The following RAD51B variants were observed in gnomAD, a reference collection of about 807,000 sequenced individuals.
The protein encoded by RAD51B is RAD51 paralog B.
RAD51B carries 38 observed loss-of-function variants against 42.2 expected under a neutral mutation model. The observed-to-expected ratio is 0.90, with a 90% CI of 0.70 to 1.18. RAD51B has a LOEUF of 1.18. RAD51B is among the 50% of genes most tolerant of loss of function. The probability of loss-of-function intolerance (pLI) is 0.00; values close to 1 mark genes in which losing one functional copy is unlikely to be tolerated. For missense variants in RAD51B, 373 were observed against 400.7 expected, an observed-to-expected ratio of 0.93 and a Z score of 0.59; for synonymous variants, 154 against 145.2, an observed-to-expected ratio of 1.06 and a Z score of -0.43.
chr14:68,342,346 A>AT (rs1408131402), intron 8 of RAD51B, among the ~76,000 whole-genome samples: 1 of 152,156 alleles, frequency 6.6e-6, no homozygotes, highest in Non-Finnish European at 1.5e-5. Flanking sequence ...AGGAGGAAGG[A>AT]TTTTCCCTAA....
chr14:68,189,224 G>A (rs1404919585), intron 7 of RAD51B, among the ~76,000 whole-genome samples: 1 of 151,976 alleles, frequency 6.6e-6, no homozygotes, highest in Non-Finnish European at 1.5e-5. Flanking sequence ...ATTTGTACCT[G>A]GGCTGTGAGC....
chr14:67,921,717 GA>G (rs1293257536), intron 7 of RAD51B, among the ~76,000 whole-genome samples: 1 of 151,768 alleles, frequency 6.6e-6, no homozygotes, highest in Non-Finnish European at 1.5e-5. Flanking sequence ...ATTGATGACT[GA>G]AAAAACAAAA....
At chr14:68,138,945 TTTA>T (rs1454406395) in intron 7 of RAD51B, among the ~76,000 whole-genome samples, 1 of 152,204 alleles carries the variant, frequency 6.6e-6, no homozygotes, top group Non-Finnish European at 1.5e-5. Flanking sequence ...AGTAGCCATC[TTTA>T]TTAGTGTGTT....
intron 7 of RAD51B, among the ~76,000 whole-genome samples, chr14:68,231,158 C>T (rs1156538546): frequency 6.6e-6 from 1 of 152,192 alleles, no homozygotes; most frequent in Non-Finnish European, 1.5e-5. Context: ...AGGAGGATGA[C>T]ACATTGATTT....
At chr14:68,633,178 C>T (rs1476345019) in intron 10 of RAD51B, among the ~76,000 whole-genome samples, 3 of 151,556 alleles carry the variant, frequency 2.0e-5, no homozygotes, top group East Asian at 2.0e-4. Flanking sequence ...CTAAACTGCT[C>T]TCCACACAAG....
intron 7 of RAD51B, among the ~76,000 whole-genome samples, chr14:68,069,933 A>G (rs978351706): frequency 6.6e-6 from 1 of 152,128 alleles, no homozygotes; most frequent in Non-Finnish European, 1.5e-5. Context: ...TTTCCTCTGT[A>G]ACCTCACCAG....
chr14:68,127,252 A>G (rs929739123), intron 7 of RAD51B, among the ~76,000 whole-genome samples: 1 of 152,156 alleles, frequency 6.6e-6, no homozygotes, highest in East Asian at 1.9e-4. Context: ...AGATCAGGCA[A>G]CAACCCCAAC....
chr14:67,962,710 T>A (rs897423586), intron 7 of RAD51B, among the ~76,000 whole-genome samples: 1 of 152,178 alleles, frequency 6.6e-6, no homozygotes, highest in Admixed American at 6.6e-5. Context: ...TTGTTGAAAT[T>A]TAGCCAACCA....
intron 10 of RAD51B, chr14:68,610,945 C>T: frequency 1.6e-6 from 1 of 632,112 alleles, no homozygotes; most frequent in Admixed American, 2.1e-5. Context: ...ATGTTGTTTC[C>T]TACACATCTT....
chr14:68,224,272 T>C (rs1002692383), intron 7 of RAD51B, among the ~76,000 whole-genome samples: 2 of 152,256 alleles, frequency 1.3e-5, no homozygotes, highest in Non-Finnish European at 2.9e-5. Flanking sequence ...AATTCTTGGA[T>C]AACTTTTCAA....
intron 10 of RAD51B, among the ~76,000 whole-genome samples, chr14:68,569,262 C>A (rs923118871): frequency 2.0e-5 from 3 of 152,194 alleles, no homozygotes; most frequent in Non-Finnish European, 4.4e-5. Context: ...AAGCAGCCCC[C>A]ATAGGGGTTA....
At position 67,964,476 on chromosome 14, in the gene RAD51B, G is replaced by C. The variant is rs2074728865; in HGVS notation, c.756+77272G>C. On this transcript the variant is annotated intron_variant, in intron 7 of 10. Coordinates refer to ENST00000471583, the MANE Select transcript of RAD51B (RefSeq NM_133510.4). Reference sequence around the variant, plus strand: ...AATATTGTTTCTTTGCGTTGCTGGAGCTGATTTATTTAGTTATGATTTCAA... The same window carrying C: ...AATATTGTTTCTTTGCGTTGCTGGACCTGATTTATTTAGTTATGATTTCAA... Among the ~76,000 whole-genome samples, 4 of 152,290 alleles carry C rather than the reference G, an allele frequency of 2.6e-5. No individual in the cohort carries two copies. In the South Asian group the frequency reaches 8.3e-4, roughly 32 times the overall value.
intron 9 of RAD51B, among the ~76,000 whole-genome samples, chr14:68,457,949 T>G (rs1027565496): frequency 2.0e-5 from 3 of 149,662 alleles, no homozygotes; most frequent in Admixed American, 1.3e-4. Flanking sequence ...ACATGTAAAG[T>G]TCACTGAAAA....
intron 7 of RAD51B, among the ~76,000 whole-genome samples, chr14:68,264,980 A>AT (rs1363920621): frequency 6.6e-6 from 1 of 152,214 alleles, no homozygotes; most frequent in East Asian, 1.9e-4. Flanking sequence ...TTAATGTGAA[A>AT]TAAGTGGTAT....
chr14:68,037,689 G>A (rs1276220754), intron 7 of RAD51B, among the ~76,000 whole-genome samples: 6 of 152,152 alleles, frequency 3.9e-5, no homozygotes, highest in Admixed American at 1.3e-4. Flanking sequence ...AAAATCTTCC[G>A]TGTGCCTCCA....
chr14:68,507,837 G>A (rs993659548), intron 10 of RAD51B, among the ~76,000 whole-genome samples: 7 of 152,124 alleles, frequency 4.6e-5, no homozygotes, highest in Non-Finnish European at 8.8e-5. Flanking sequence ...CTGCTCCTCC[G>A]CCAGTCTAGA....
intron 7 of RAD51B, among the ~76,000 whole-genome samples, chr14:67,997,242 C>CA (rs1185384487): frequency 3.9e-5 from 6 of 151,946 alleles, no homozygotes; most frequent in Admixed American, 3.9e-4. Context: ...AATGAATAGA[C>CA]AGAGAAAAGG....
At chr14:68,165,529 T>C (rs77807546) in intron 7 of RAD51B, among the ~76,000 whole-genome samples, 3,836 of 152,218 alleles carry the variant, frequency 0.025, 129 homozygotes, top group African/African-American at 0.074. Context: ...GTAAAGAGTT[T>C]TATTAGGGTC....
In RAD51B at chr14:68,203,988, A is replaced by G. The variant is rs919642036; in HGVS notation, c.757-87896A>G. On this transcript the variant is annotated intron_variant, in intron 7 of 10. Coordinates refer to ENST00000471583, the MANE Select transcript of RAD51B (RefSeq NM_133510.4). ...GGTTTGGTCTTCTAGCTAAACTACT[A>G]AAATTCTCCCTATGAGCAATAAGGT... Among the ~76,000 whole-genome samples, 31 of 152,212 alleles carry G rather than the reference A, an allele frequency of 2.0e-4. 1 individual carries two copies. Among genetic ancestry groups the G allele is most frequent in the Admixed American group, 2.0e-3 (31 of 15,288 alleles).
Sources: gnomAD v4.1 joint callset for allele counts (sites outside exome capture counted in the v4.1 genomes callset) on GRCh38, gnomAD v4.1.1 for gene constraint, MANE v1.5 for transcripts, NCBI Gene and HGNC (gene_info 2026-07-23, HGNC 2026-07-21) for gene names.